Variants in TMC5 observed in about 807,000 individuals in gnomAD.
TMC5 encodes the protein transmembrane channel-like protein 5.
A neutral mutation model predicts 110.5 loss-of-function variants in TMC5; 86 were observed. The observed-to-expected ratio is 0.78, with a 90% confidence interval of 0.65 to 0.93. TMC5 has a LOEUF of 0.93. Among genes scored for constraint, TMC5 ranks in the 40% least tolerant of loss-of-function variants. TMC5 has a pLI of 0.00. For missense variants in TMC5, 1,144 were observed against 1,222.8 expected (o/e 0.94, Z 0.96); for synonymous variants, 455 against 439.5 (o/e 1.04, Z -0.44).
rs186835802 is a variant in TMC5, at chr16:19,474,045, A to G, written c.1939-80A>G. On this transcript the variant is annotated intron_variant, in intron 11 of 21. Transcript: ENST00000542583. The stretch of plus-strand genomic sequence containing the variant: ...AGAGGAGCTACTTCTCGGGTTTTCT[A>G]TCATGGGAGACTTTTGAGTGAAGCA... 1.3e-4 allele frequency: 184 copies of G among 1,416,564 alleles called. 1 individual carries two copies. The African/African-American group carries it at 2.5e-3, about 19-fold the overall frequency. The allele number at this position is 1,416,564 out of a possible 1,614,324, so 87.7% of individuals were successfully genotyped here.
intron 1 of TMC5, among the ~76,000 whole-genome samples, chr16:19,423,747 GTTA>G (rs528805466): frequency 4.0e-5 from 6 of 151,638 alleles, no homozygotes; most frequent in East Asian, 1.9e-4. Flanking sequence ...CAATTTTATT[GTTA>G]TTATTATTAT....
intron 18 of TMC5, among the ~76,000 whole-genome samples, chr16:19,490,848 G>A (rs899542445): frequency 2.7e-5 from 3 of 109,214 alleles, no homozygotes; most frequent in Non-Finnish European, 5.2e-5. Flanking sequence ...TTTCAGTTCC[G>A]TTCCTTTCCT....
At position 19,440,334 on chromosome 16, in the gene TMC5, C is replaced by A. The variant is rs1252872732; in HGVS notation, c.296C>A (p.Pro99Gln). Residue 99 changes from proline to glutamine, a missense_variant, in exon 3 of 22, where the codon CCA becomes CAA. Physicochemically the swap from Pro to Gln is moderately conservative, Grantham distance 76. Transcript: ENST00000542583. ...TACTCTGCAGCCTCTAGAACAAGCC[C>A]AGACCATCCTACCTCTCTACCAGAG... is the stretch of plus-strand genomic sequence containing the variant. ...NAYSAASRTS[P>Q]DHPTSLPEPD... The A allele has an allele frequency of 3.8e-5, 61 of 1,613,994 alleles. No individual in the cohort carries two copies. The Admixed American group carries it at 1.0e-3, about 27-fold the overall frequency.
At chr16:19,451,832 T>A (rs945434739) in intron 5 of TMC5, among the ~76,000 whole-genome samples, 1 of 152,150 alleles carries the variant, frequency 6.6e-6, no homozygotes, top group African/African-American at 2.4e-5. Context: ...AGGATCTCAC[T>A]CCGTTATTCA....
chr16:19,492,666 G>A (rs910142790), intron 19 of TMC5, among the ~76,000 whole-genome samples: 5 of 151,408 alleles, frequency 3.3e-5, no homozygotes, highest in Admixed American at 6.6e-5. Flanking sequence ...GGCTGGTCTC[G>A]AACTGCTGAC....
At chr16:19,434,373 GATCTATATATAATATAGATATAAT>G (rs1967285931) in intron 2 of TMC5, among the ~76,000 whole-genome samples, 1 of 61,456 alleles carries the variant, frequency 1.6e-5, no homozygotes, top group Middle Eastern at 8.6e-3. Flanking sequence ...ATATAATATA[GATCTATATATAATATAGATATAAT>G]ATATATATCA....
At chr16:19,432,967 CATAA>C (rs1335167313) in intron 2 of TMC5, among the ~76,000 whole-genome samples, 1 of 151,288 alleles carries the variant, frequency 6.6e-6, no homozygotes, top group East Asian at 2.0e-4. Flanking sequence ...TAAATATATA[CATAA>C]ATTGTATGGA....
chr16:19,427,788 A>C (rs1270869857), intron 1 of TMC5, among the ~76,000 whole-genome samples: 1 of 152,036 alleles, frequency 6.6e-6, no homozygotes, highest in Non-Finnish European at 1.5e-5. Context: ...ACATTGCCAA[A>C]TGTGCTCTCA....
rs779600782 is a variant in TMC5 at position 19,487,320 on chromosome 16, T to C, written c.2567T>C (p.Ile856Thr). The stretch of plus-strand genomic sequence containing the variant: ...GTCTTGTGCACCCTGGCCATCACCA[T>C]CTGGAGGTAGGAGAAGGTGGCCTTG... ...TGVLCTLAIT[I>T]WRLKPSADCG... The change falls in exon 17 of 22, where the codon ATC (isoleucine) becomes ACC (threonine). Residue 856 changes from isoleucine (I) to threonine (T), a missense_variant. Physicochemically the swap from Ile to Thr is moderately conservative, Grantham distance 89 (BLOSUM62 -1). Coordinates refer to ENST00000542583, the MANE Select transcript of TMC5 (RefSeq NM_001261841.2). 1.9e-6 allele frequency: 3 copies of C among 1,612,850 alleles called. No homozygotes were observed. The highest frequency in any genetic ancestry group is 1.7e-6 in the Non-Finnish European group (2 of 1,179,580).
At chr16:19,490,869 T>A (rs1180448306) in intron 18 of TMC5, among the ~76,000 whole-genome samples, 1 of 109,232 alleles carries the variant, frequency 9.2e-6, no homozygotes, top group African/African-American at 3.1e-5. Context: ...CTTCATTTTT[T>A]CTTCCTTCCT....
chr16:19,450,815 T>A (rs1254584941), intron 5 of TMC5, among the ~76,000 whole-genome samples: 5 of 152,186 alleles, frequency 3.3e-5, no homozygotes, highest in Non-Finnish European at 7.3e-5. Context: ...GATGCATTGA[T>A]CAAAGTTTTT....
At chr16:19,422,470 T>C (rs370847488) in intron 1 of TMC5, among the ~76,000 whole-genome samples, 47 of 152,290 alleles carry the variant, frequency 3.1e-4, no homozygotes, top group African/African-American at 1.1e-3. Context: ...TAATCATATG[T>C]TTGCATTTTT....
upstream of TMC5, among the ~76,000 whole-genome samples, chr16:19,413,544 AAAAAAAAAAAAAAAAG>A: frequency 8.2e-6 from 1 of 121,656 alleles, no homozygotes; most frequent in African/African-American, 3.9e-5. Context: ...AAAAAAAAAA[AAAAAAAAAAAAAAAAG>A]CCAGGGCAGT....
upstream of TMC5, among the ~76,000 whole-genome samples, chr16:19,416,865 A>C (rs1174497138): frequency 6.6e-6 from 1 of 152,150 alleles, no homozygotes; most frequent in Non-Finnish European, 1.5e-5. Context: ...AGGCCGAGAC[A>C]GGTGGATTAC....
upstream of TMC5, among the ~76,000 whole-genome samples, chr16:19,416,766 C>T (rs1366925994): frequency 6.6e-6 from 1 of 152,032 alleles, no homozygotes; most frequent in Non-Finnish European, 1.5e-5. Context: ...CTGTATGGTC[C>T]GCATGTTGCC....
chr16:19,463,462 C>A, intron 7 of TMC5, 95 bp downstream of exon 7: 1 of 1,090,776 alleles, frequency 9.2e-7, no homozygotes, highest in South Asian at 1.3e-5. Context: ...AACCAAAAAT[C>A]AGAGCAATTT....
chr16:19,433,032 C>T (rs975012873), intron 2 of TMC5, among the ~76,000 whole-genome samples: 1 of 151,990 alleles, frequency 6.6e-6, no homozygotes, highest in African/African-American at 2.4e-5. Flanking sequence ...CACATATACG[C>T]ATACAATATG....
At position 19,474,151 on chromosome 16, in the gene TMC5, G is replaced by T. The variant is rs1227534351; in HGVS notation, c.1965G>T (p.Gly655=). 6.2e-7 allele frequency: 1 copy of T among 1,613,930 alleles called. No homozygotes were observed. Among genetic ancestry groups the T allele is most frequent in the South Asian group, 1.1e-5 (1 of 91,074 alleles). Reference sequence around the variant, plus strand: ...TCCTGAAGACACACAGTAACCCTGGGGCGGTGCTGTTACTGCCTTTCGTTG... The same window carrying T: ...TCCTGAAGACACACAGTAACCCTGGTGCGGTGCTGTTACTGCCTTTCGTTG... The part of the protein sequence containing the change: ...LEFLKTHSNP[G]AVLLLPFVVS... The change falls in exon 12 of 22, where the codon GGG becomes GGT. Residue 655 remains glycine (G), a synonymous_variant. Coordinates refer to ENST00000542583, the MANE Select transcript of TMC5 (RefSeq NM_001261841.2).
At chr16:19,411,571 T>A (rs1966855876) in intron 1 of TMC5, 1 of 152,182 alleles carries the variant, frequency 6.6e-6, no homozygotes, top group Non-Finnish European at 1.5e-5. Flanking sequence ...GTCCCACCAT[T>A]TCTCAGAAGG....
Sources: allele counts gnomAD v4.1 joint callset (sites outside exome capture counted in the v4.1 genomes callset), GRCh38; gene constraint gnomAD v4.1.1; transcripts MANE v1.5; gene names NCBI Gene and HGNC (gene_info 2026-07-23, HGNC 2026-07-21).